Variants in LARGE1 observed in about 807,000 individuals in gnomAD.
LARGE1 encodes the protein LARGE xylosyl- and glucuronyltransferase 1, also known as xylosyl- and glucuronyltransferase LARGE1.
A neutral mutation model predicts 87.6 loss-of-function variants in LARGE1; 43 were observed. That is an observed-to-expected ratio of 0.49 (90% confidence interval 0.38 to 0.63). LARGE1 has a LOEUF of 0.63. LARGE1 is among the 30% of genes least tolerant of loss of function. The pLI is 0.00. For synonymous variants in LARGE1, 434 were observed against 394.6 expected (o/e 1.10, Z -1.18); for missense variants, 802 against 1,000.2 (o/e 0.80, Z 2.67).
chr22:33,871,982 C>CAAA (rs58105742), intron 1 of LARGE1, among the ~76,000 whole-genome samples: 6,215 of 86,598 alleles, frequency 0.072, 531 homozygotes, highest in African/African-American at 0.23. Flanking sequence ...TCTAAATCAG[C>CAAA]AAAAAAAAAA....
intron 2 of LARGE1, among the ~76,000 whole-genome samples, chr22:33,704,249 C>T (rs1372228081): frequency 6.6e-6 from 1 of 152,206 alleles, no homozygotes; most frequent in Non-Finnish European, 1.5e-5. Flanking sequence ...CTCTAATGTT[C>T]TTGAAGATGC....
chr22:33,767,216 A>C (rs1393598124), intron 1 of LARGE1, among the ~76,000 whole-genome samples: 4 of 150,846 alleles, frequency 2.7e-5, no homozygotes, highest in Admixed American at 2.0e-4. Context: ...CAGCTACTGG[A>C]GAGGCTGAGG....
chr22:33,890,269 G>A (rs997881056), intron 1 of LARGE1, among the ~76,000 whole-genome samples: 2 of 152,208 alleles, frequency 1.3e-5, no homozygotes, highest in Non-Finnish European at 2.9e-5. Context: ...TCAGATGCAA[G>A]GCGGGGCTCA....
At chr22:33,698,548 G>A (rs890163218) in intron 2 of LARGE1, among the ~76,000 whole-genome samples, 2 of 152,198 alleles carry the variant, frequency 1.3e-5, no homozygotes, top group African/African-American at 4.8e-5. Flanking sequence ...AGCCTCAAGC[G>A]ATCTGCCCGC....
chr22:33,349,167 T>G (rs538657856), intron 9 of LARGE1, among the ~76,000 whole-genome samples: 1 of 152,276 alleles, frequency 6.6e-6, no homozygotes, highest in Admixed American at 6.5e-5. Context: ...ATCAGCTTCC[T>G]TGGTTCTCAG....
At chr22:33,570,135 T>C (rs1280075736) in intron 5 of LARGE1, among the ~76,000 whole-genome samples, 1 of 152,154 alleles carries the variant, frequency 6.6e-6, no homozygotes, top group Non-Finnish European at 1.5e-5. Context: ...AGTCTTAGTT[T>C]TCTCATCTGG....
chr22:33,362,718 A>T (rs1489874517), intron 9 of LARGE1, among the ~76,000 whole-genome samples: 1 of 150,246 alleles, frequency 6.7e-6, no homozygotes, highest in African/African-American at 2.4e-5. Flanking sequence ...GTAACTACAA[A>T]GAATTGCTGT....
At chr22:33,318,063 C>A (rs556790458) in intron 10 of LARGE1, among the ~76,000 whole-genome samples, 3 of 151,628 alleles carry the variant, frequency 2.0e-5, no homozygotes, top group Non-Finnish European at 4.4e-5. Context: ...GGTGACACCC[C>A]GTCTCTACTA....
chr22:33,762,212 TCAAAAAA>T (rs1161049015), intron 1 of LARGE1, among the ~76,000 whole-genome samples: 1 of 47,012 alleles, frequency 2.1e-5, no homozygotes. Context: ...AGATTCTATC[TCAAAAAA>T]AAAAAAAAAA....
At chr22:33,755,981 G>A (rs2084498647) in intron 2 of LARGE1, among the ~76,000 whole-genome samples, 1 of 152,206 alleles carries the variant, frequency 6.6e-6, no homozygotes. Flanking sequence ...GGCATTGAAG[G>A]TGTTGGCTGG....
At chr22:33,120,367 T>TTTCTTTC in the LARGE1 span, among the ~76,000 whole-genome samples, 2 of 71,442 alleles carry the variant, frequency 2.8e-5, no homozygotes, top group Non-Finnish European at 5.2e-5. Context: ...TTTTTCTTTC[T>TTTCTTTC]TTCTTTCTTT....
the LARGE1 span, among the ~76,000 whole-genome samples, chr22:33,073,672 T>G: frequency 1.4e-4 from 21 of 152,276 alleles, no homozygotes; most frequent in African/African-American, 4.8e-4. Flanking sequence ...CCCATTCACA[T>G]TCTTCATATT....
intron 2 of LARGE1, among the ~76,000 whole-genome samples, chr22:33,663,277 G>C (rs1279194735): frequency 6.6e-6 from 1 of 152,180 alleles, no homozygotes; most frequent in Non-Finnish European, 1.5e-5. Flanking sequence ...AAAATCTTGT[G>C]TTAATACTTA....
intron 10 of LARGE1, among the ~76,000 whole-genome samples, chr22:33,317,222 CA>C (rs906304865): frequency 6.6e-6 from 1 of 151,910 alleles, no homozygotes; most frequent in African/African-American, 2.4e-5. Flanking sequence ...TCAAAACAAA[CA>C]AACAAACAAA....
chr22:33,200,074 C>T (rs1229362905), intron 11 of LARGE1, among the ~76,000 whole-genome samples: 1 of 152,020 alleles, frequency 6.6e-6, no homozygotes, highest in African/African-American at 2.4e-5. Context: ...ATCTTGAACT[C>T]CTGACTTCGT....
intron 2 of LARGE1, among the ~76,000 whole-genome samples, chr22:33,740,201 C>T (rs530189511): frequency 8.5e-5 from 13 of 152,288 alleles, no homozygotes; most frequent in African/African-American, 3.1e-4. Context: ...AGTCATGCTT[C>T]AAGATTCAGC....
chr22:33,695,230 A>G (rs1218206804), intron 2 of LARGE1, among the ~76,000 whole-genome samples: 2 of 151,526 alleles, frequency 1.3e-5, no homozygotes, highest in Non-Finnish European at 2.9e-5. Flanking sequence ...CAGCCTCCCG[A>G]GAAGCTAGGA....
intron 10 of LARGE1, among the ~76,000 whole-genome samples, chr22:33,332,184 C>T (rs554458162): frequency 6.6e-6 from 1 of 152,152 alleles, no homozygotes; most frequent in Non-Finnish European, 1.5e-5. Context: ...CCCATAATTG[C>T]TACATGTTGT....
intron 7 of LARGE1, among the ~76,000 whole-genome samples, chr22:33,422,510 C>CTTT (rs1309810438): frequency 7.3e-6 from 1 of 136,608 alleles, no homozygotes; most frequent in African/African-American, 2.7e-5. Flanking sequence ...GTGCTACACA[C>CTTT]TTTTTTTTTT....
Sources: gnomAD v4.1 joint callset for allele counts (sites outside exome capture counted in the v4.1 genomes callset) on GRCh38, gnomAD v4.1.1 for gene constraint, MANE v1.5 for transcripts, NCBI Gene and HGNC (gene_info 2026-07-23, HGNC 2026-07-21) for gene names.